Variants in GALNTL6 observed in about 807,000 individuals in gnomAD.
GALNTL6 encodes the protein polypeptide N-acetylgalactosaminyltransferase like 6, also known as polypeptide N-acetylgalactosaminyltransferase-like 6.
GALNTL6 carries 46 observed loss-of-function variants against 73.7 expected under a neutral mutation model. That is an observed-to-expected ratio of 0.62 (90% confidence interval 0.49 to 0.80). The LOEUF is 0.80. GALNTL6 is among the 30% of genes least tolerant of loss of function. GALNTL6 has a pLI of 0.00. For missense variants in GALNTL6, 604 were observed against 755.0 expected, an observed-to-expected ratio of 0.80 and a Z score of 2.34; for synonymous variants, 259 against 263.7, an observed-to-expected ratio of 0.98 and a Z score of 0.17.
intron 2 of GALNTL6, among the ~76,000 whole-genome samples, chr4:171,938,895 A>G (rs1169486403): frequency 6.6e-6 from 1 of 152,150 alleles, no homozygotes; most frequent in Non-Finnish European, 1.5e-5. Flanking sequence ...ATGTAAATTG[A>G]TAGCATTTTT....
At chr4:172,858,197 T>TAAACAATTTAAACAA (rs1744215171) in intron 7 of GALNTL6, among the ~76,000 whole-genome samples, 3 of 152,200 alleles carry the variant, frequency 2.0e-5, no homozygotes, top group Non-Finnish European at 4.4e-5. Flanking sequence ...ACAACACTTC[T>TAAACAATTTAAACAA]CAATTTTAAA....
At chr4:172,347,744 A>G (rs333400) in intron 4 of GALNTL6, among the ~76,000 whole-genome samples, 19,871 of 152,128 alleles carry the variant, frequency 0.13, 1,313 homozygotes, top group East Asian at 0.18. Context: ...ATGGGTTTTC[A>G]GACACTTTTC....
At chr4:172,728,370 A>G (rs1475368964) in intron 5 of GALNTL6, among the ~76,000 whole-genome samples, 2 of 152,036 alleles carry the variant, frequency 1.3e-5, no homozygotes. Context: ...GAGAATATGC[A>G]ATGTTTGCCT....
intron 5 of GALNTL6, among the ~76,000 whole-genome samples, chr4:172,770,102 A>G (rs1423943332): frequency 6.6e-6 from 1 of 151,956 alleles, no homozygotes; most frequent in Non-Finnish European, 1.5e-5. Context: ...AGTATCTACT[A>G]AAAATAAAAA....
intron 2 of GALNTL6, among the ~76,000 whole-genome samples, chr4:171,918,269 G>C (rs58087716): frequency 0.026 from 3,940 of 152,062 alleles, 167 homozygotes; most frequent in African/African-American, 0.091. Context: ...GGTGCGTTAA[G>C]ATATAAGTCT....
intron 2 of GALNTL6, among the ~76,000 whole-genome samples, chr4:172,177,160 C>A (rs540156462): frequency 2.9e-4 from 44 of 152,242 alleles, no homozygotes; most frequent in African/African-American, 1.1e-3. Flanking sequence ...ATGAAAATCA[C>A]AATACACACA....
chr4:172,535,614 A>G (rs768741835), intron 5 of GALNTL6, among the ~76,000 whole-genome samples: 15 of 152,232 alleles, frequency 9.9e-5, no homozygotes, highest in Non-Finnish European at 1.8e-4. Context: ...CGAAGTAACT[A>G]TTTTAGAGAA....
intron 5 of GALNTL6, among the ~76,000 whole-genome samples, chr4:172,496,069 A>G (rs151169816): frequency 6.6e-6 from 1 of 152,338 alleles, no homozygotes; most frequent in Non-Finnish European, 1.5e-5. Context: ...CTCAGTGTGT[A>G]ACTTCCACGG....
intron 2 of GALNTL6, among the ~76,000 whole-genome samples, chr4:172,014,961 T>C (rs377637275): frequency 6.6e-6 from 1 of 152,134 alleles, no homozygotes; most frequent in African/African-American, 2.4e-5. Flanking sequence ...AGACTCATAC[T>C]GTGACCTATC....
intron 4 of GALNTL6, among the ~76,000 whole-genome samples, chr4:172,314,156 TTAAC>T (rs1420191379): frequency 3.9e-5 from 6 of 152,216 alleles, no homozygotes; most frequent in Admixed American, 2.6e-4. Flanking sequence ...TATTATCTAT[TTAAC>T]TAGGCTGAAA....
At chr4:172,346,382 T>C (rs770223280) in intron 4 of GALNTL6, among the ~76,000 whole-genome samples, 26 of 152,234 alleles carry the variant, frequency 1.7e-4, no homozygotes, top group Non-Finnish European at 3.2e-4. Flanking sequence ...TATGTCATTC[T>C]GTATTTCATC....
chr4:172,641,915 G>A (rs12512892), intron 5 of GALNTL6, among the ~76,000 whole-genome samples: 141,499 of 151,990 alleles, frequency 0.93, 66,294 homozygotes, highest in Non-Finnish European at 0.99. Flanking sequence ...AAAAATGGGC[G>A]GAGGACCTGA....
intron 3 of GALNTL6, among the ~76,000 whole-genome samples, chr4:172,230,849 A>G (rs1737038683): frequency 7.9e-6 from 1 of 125,966 alleles, no homozygotes; most frequent in Non-Finnish European, 1.8e-5. Context: ...CAGCAGAATT[A>G]TAACTTAGCC....
intron 5 of GALNTL6, among the ~76,000 whole-genome samples, chr4:172,700,462 G>C (rs1733962996): frequency 6.6e-6 from 1 of 152,142 alleles, no homozygotes; most frequent in African/African-American, 2.4e-5. Flanking sequence ...GGGATTTACT[G>C]ATTCACATGT....
intron 2 of GALNTL6, among the ~76,000 whole-genome samples, chr4:172,073,347 A>C (rs1258471316): frequency 6.6e-6 from 1 of 152,186 alleles, no homozygotes; most frequent in Admixed American, 6.6e-5. Flanking sequence ...GTATAGTTCT[A>C]AGAACAGTAC....
chr4:172,875,488 A>G (rs1291387783), intron 7 of GALNTL6, among the ~76,000 whole-genome samples: 4 of 152,140 alleles, frequency 2.6e-5, no homozygotes, highest in Admixed American at 2.6e-4. Flanking sequence ...AAGCCATCAT[A>G]TTTACATTTT....
At chr4:172,938,484 G>A (rs1453588050) in intron 9 of GALNTL6, among the ~76,000 whole-genome samples, 2 of 152,192 alleles carry the variant, frequency 1.3e-5, no homozygotes, top group Admixed American at 6.5e-5. Flanking sequence ...CTGAGGAAAA[G>A]CATTAACAAA....
At chr4:172,322,797 A>G (rs1740805173) in intron 4 of GALNTL6, among the ~76,000 whole-genome samples, 2 of 152,154 alleles carry the variant, frequency 1.3e-5, no homozygotes, top group Admixed American at 1.3e-4. Context: ...ATAATTCTAC[A>G]TGAGATTTGG....
At chr4:172,651,998 A>C (rs1740496561) in intron 5 of GALNTL6, among the ~76,000 whole-genome samples, 1 of 152,186 alleles carries the variant, frequency 6.6e-6, no homozygotes, top group South Asian at 2.1e-4. Context: ...TATCTGGAAG[A>C]ACTCAGCTTC....
Sources: gnomAD v4.1 joint callset for allele counts (sites outside exome capture counted in the v4.1 genomes callset) on GRCh38, gnomAD v4.1.1 for gene constraint, MANE v1.5 for transcripts, NCBI Gene and HGNC (gene_info 2026-07-23, HGNC 2026-07-21) for gene names.